ALDH5A1: variants seen among roughly 807,000 people sequenced by gnomAD.
ALDH5A1 encodes the protein aldehyde dehydrogenase 5 family member A1.
Under a neutral mutation model 54.7 loss-of-function variants are expected in ALDH5A1, and 33 were observed. The observed-to-expected ratio is 0.60, with a 90% CI of 0.46 to 0.81. ALDH5A1 has a LOEUF of 0.81. Among genes scored for constraint, ALDH5A1 ranks in the 30% least tolerant of loss-of-function variants. ALDH5A1 has a pLI of 0.00. For missense variants in ALDH5A1, 657 were observed against 711.0 expected, an observed-to-expected ratio of 0.92 and a Z score of 0.86; for synonymous variants, 294 against 292.7, an observed-to-expected ratio of 1.00 and a Z score of -0.05.
chr6:24,522,992 A>AAAAC, intron 7 of ALDH5A1, 67 bp downstream of exon 7: 1 of 1,520,842 alleles, frequency 6.6e-7, no homozygotes, highest in Non-Finnish European at 9.0e-7. Flanking sequence ...TAATCAGCAA[A>AAAAC]AAACACTTTG....
At chr6:24,505,913 A>G (rs1759331947) in intron 4 of ALDH5A1, among the ~76,000 whole-genome samples, 2 of 146,580 alleles carry the variant, frequency 1.4e-5, no homozygotes, top group African/African-American at 5.1e-5. Flanking sequence ...GATTGCAGTG[A>G]GCCGAGATGG....
At chr6:24,521,799 A>G (rs1304044176) in intron 6 of ALDH5A1, among the ~76,000 whole-genome samples, 1 of 151,242 alleles carries the variant, frequency 6.6e-6, no homozygotes, top group Non-Finnish European at 1.5e-5. Context: ...CAGGAGGATC[A>G]CTTGAGCCCA....
At chr6:24,513,848 C>T (rs767500688) in intron 4 of ALDH5A1, among the ~76,000 whole-genome samples, 12 of 152,176 alleles carry the variant, frequency 7.9e-5, no homozygotes, top group Non-Finnish European at 1.6e-4. Flanking sequence ...GCTGATATGA[C>T]GGTCAGGTCT....
Position 24,516,496 on chromosome 6 carries a change from CAA to C in ALDH5A1, c.870+1189_870+1190del, listed in dbSNP as rs573533297. Among the ~76,000 whole-genome samples, 83 of 148,732 alleles carry C rather than the reference CAA, an allele frequency of 5.6e-4. 1 individual carries two copies. Among genetic ancestry groups the C allele is most frequent in the South Asian group, 4.7e-3 (22 of 4,652 alleles). ...AAAAAATAAATAATAAAAAAATGTC[CAA>C]AAGAGAAAAAATCAAGGTGGAACAA... On this transcript the variant is annotated intron_variant, in intron 5 of 9. Transcript: ENST00000357578.
chr6:24,495,229 T>C lies in ALDH5A1; in HGVS notation c.233T>C (p.Val78Ala). 1 of 1,521,550 alleles carries C rather than the reference T, an allele frequency of 6.6e-7. No individual in the cohort carries two copies. Among genetic ancestry groups the C allele is most frequent in the Non-Finnish European group, 8.8e-7 (1 of 1,141,640 alleles). The allele number at this position is 1,521,550 out of a possible 1,614,324, so 94.3% of individuals were successfully genotyped here. The change falls in exon 1 of 10, where the codon GTG becomes GCG. Residue 78 changes from valine (V) to alanine (A), a missense_variant. Val to Ala is a moderately conservative substitution (Grantham distance 64). Around this residue, in one of 2 missense-constraint regions of ALDH5A1, gnomAD observed 232 missense variants for 194.6 expected, o/e 1.19. Transcript: ENST00000357578. ...RWLPAAATFPVQDPASGAALG... is the reference protein window; with the variant it reads ...RWLPAAATFPAQDPASGAALG... ...CTCCCGGCCGCCGCCACCTTCCCCG[T>C]GCAAGACCCGGCCAGCGGCGCCGCT...
intron 1 of ALDH5A1, among the ~76,000 whole-genome samples, chr6:24,497,737 T>A (rs557705671): frequency 6.6e-6 from 1 of 152,092 alleles, no homozygotes; most frequent in African/African-American, 2.4e-5. Flanking sequence ...GAGGAGGTCA[T>A]AGGGAGAAGG....
rs866376749 is a variant in ALDH5A1, at chr6:24,536,019, A to G, written c.*2307A>G. On this transcript the variant is annotated 3_prime_UTR_variant, in exon 10 of 10. Coordinates refer to ENST00000357578, the MANE Select transcript of ALDH5A1 (RefSeq NM_001080.3). ...AGAGACTCATTGTATATCCTTGATCAATTTTCTAATTAAAGGAAATAGCTT... is the reference window on the plus strand; with the variant it reads ...AGAGACTCATTGTATATCCTTGATCGATTTTCTAATTAAAGGAAATAGCTT... 1 of 152,218 alleles carries G rather than the reference A, an allele frequency of 6.6e-6. No individual in the cohort carries two copies. The highest frequency in any genetic ancestry group is 2.1e-4 in the South Asian group (1 of 4,830). The allele number at this position is 152,218 out of a possible 1,614,324, so 9.4% of individuals were successfully genotyped here.
intron 7 of ALDH5A1, 26 bp downstream of exon 7, chr6:24,522,951 AG>A: frequency 6.8e-7 from 1 of 1,472,290 alleles, no homozygotes; most frequent in Non-Finnish European, 9.2e-7. Flanking sequence ...TATTTGTGAA[AG>A]TAAATTTCAT....
intron 1 of ALDH5A1, among the ~76,000 whole-genome samples, chr6:24,497,237 C>T (rs1051823910): frequency 6.6e-6 from 1 of 152,176 alleles, no homozygotes; most frequent in Non-Finnish European, 1.5e-5. Context: ...TTTATCCCTT[C>T]CAGTGTTCCG....
chr6:24,524,265 G>T (rs187995040), intron 7 of ALDH5A1, among the ~76,000 whole-genome samples: 82 of 152,236 alleles, frequency 5.4e-4, no homozygotes, highest in Admixed American at 4.2e-3. Flanking sequence ...GATTACAGGC[G>T]TGAGCCACCA....
intron 6 of ALDH5A1, among the ~76,000 whole-genome samples, chr6:24,521,275 T>C (rs73728141): frequency 0.016 from 2,409 of 152,336 alleles, 58 homozygotes; most frequent in African/African-American, 0.053. Flanking sequence ...TTCACAGTTA[T>C]CAGCTCTACA....
At chr6:24,499,730 A>G (rs188394776) in intron 1 of ALDH5A1, among the ~76,000 whole-genome samples, 1,900 of 31,030 alleles carry the variant, frequency 0.061, 50 homozygotes, top group African/African-American at 0.27. Flanking sequence ...GCAGTGGCGC[A>G]GTCTCGGCTC....
chr6:24,522,411 C>G (rs1054632496), intron 6 of ALDH5A1, among the ~76,000 whole-genome samples: 1 of 151,586 alleles, frequency 6.6e-6, no homozygotes, highest in African/African-American at 2.4e-5. Context: ...TTCCCCACCC[C>G]CCAGGGAAAC....
At chr6:24,511,914 T>C in intron 4 of ALDH5A1, 1 of 582,822 alleles carries the variant, frequency 1.7e-6, no homozygotes, top group South Asian at 2.4e-5. Flanking sequence ...TCTTGTTTTT[T>C]CATATTATCA....
intron 1 of ALDH5A1, 45 bp from the exon 2 acceptor site, chr6:24,502,478 C>T: frequency 2.2e-6 from 3 of 1,374,834 alleles, no homozygotes; most frequent in African/African-American, 1.4e-5. Context: ...TTCTGTCTTA[C>T]ACTTGGCATT....
Position 24,522,501 on chromosome 6 carries a change from G to GTGTGTGTGTGTGTGTGTGTGTA in ALDH5A1, c.1015-263_1015-262insGTGTGTGTGTGTGTGTGTATGT, listed in dbSNP as rs1554137632. On this transcript the variant is annotated intron_variant, in intron 6 of 9. Transcript: ENST00000357578. ...TTCGTGTGTGTGTGTGTGTGTGTGT[G>GTGTGTGTGTGTGTGTGTGTGTA]TGTACAGGTGCTTATTGCCAACTAA... The GTGTGTGTGTGTGTGTGTGTGTA allele has an allele frequency of 7.4e-5, 27 of 362,422 alleles. 1 individual carries two copies. Among genetic ancestry groups the GTGTGTGTGTGTGTGTGTGTGTA allele is most frequent in the Middle Eastern group, 9.8e-4 (1 of 1,020 alleles). The allele number at this position is 362,422 out of a possible 1,614,324, so 22.5% of individuals were successfully genotyped here. A position where few individuals can be genotyped will look rare whatever the true frequency, so the allele number is the denominator to read the frequency against.
At chr6:24,508,500 C>T (rs1759404367) in intron 4 of ALDH5A1, among the ~76,000 whole-genome samples, 1 of 151,428 alleles carries the variant, frequency 6.6e-6, no homozygotes, top group African/African-American at 2.4e-5. Flanking sequence ...ACATAGGATA[C>T]AGTTTATCCA....
At chr6:24,524,921 C>T (rs1160848506) in intron 7 of ALDH5A1, among the ~76,000 whole-genome samples, 1 of 152,202 alleles carries the variant, frequency 6.6e-6, no homozygotes, top group Non-Finnish European at 1.5e-5. Context: ...CAGTATGATG[C>T]TAGTTTGCAG....
Position 24,523,114 on chromosome 6 carries a change from G to T in ALDH5A1, c.1173+189G>T, listed in dbSNP as rs555272330. ...TAGAATGACTGTAATTAGCAACAAT[G>T]TATTGTATATTTTCAAATAGCTATT... On this transcript the variant is annotated intron_variant, in intron 7 of 9. Coordinates refer to ENST00000357578, the MANE Select transcript of ALDH5A1 (RefSeq NM_001080.3). Among the ~76,000 whole-genome samples, 16 of 152,162 alleles carry T rather than the reference G, an allele frequency of 1.1e-4. No individual in the cohort carries two copies. In the South Asian group the frequency reaches 2.9e-3, roughly 28 times the overall value.
Sources: gnomAD v4.1 joint callset for allele counts (sites outside exome capture counted in the v4.1 genomes callset) on GRCh38, gnomAD v4.1.1 for gene constraint, gnomAD v4.1.1 regional missense constraint, MANE v1.5 for transcripts, NCBI Gene and HGNC (gene_info 2026-07-23, HGNC 2026-07-21) for gene names.